Variants in CALCR observed in about 807,000 individuals in gnomAD.
CALCR encodes the protein calcitonin receptor.
A neutral mutation model predicts 59.5 loss-of-function variants in CALCR; 47 were observed. That is an observed-to-expected ratio of 0.79 (90% confidence interval 0.63 to 1.01). The LOEUF is 1.01. Among genes scored for constraint, CALCR ranks in the 50% least tolerant of loss-of-function variants. The pLI is 0.00. For synonymous variants in CALCR, 213 were observed against 211.3 expected, an observed-to-expected ratio of 1.01 and a Z score of -0.07; for missense variants, 566 against 597.1, an observed-to-expected ratio of 0.95 and a Z score of 0.54.
At chr7:93,556,810 T>G (rs1333622558) in intron 2 of CALCR, among the ~76,000 whole-genome samples, 1 of 152,024 alleles carries the variant, frequency 6.6e-6, no homozygotes, top group Non-Finnish European at 1.5e-5. Context: ...TTGATTGGCA[T>G]TTAGGCAATA....
At chr7:93,554,378 A>G (rs1250124554) in intron 2 of CALCR, among the ~76,000 whole-genome samples, 1 of 152,144 alleles carries the variant, frequency 6.6e-6, no homozygotes, top group Non-Finnish European at 1.5e-5. Context: ...TATTTCTTAT[A>G]GAATAAGAAC....
At chr7:93,504,128 G>A (rs1544361) in intron 2 of CALCR, among the ~76,000 whole-genome samples, 27,005 of 152,064 alleles carry the variant, frequency 0.18, 5,872 homozygotes, top group African/African-American at 0.51. Flanking sequence ...AGACCCATAA[G>A]TACAGCTTCC....
At chr7:93,550,036 T>C (rs1584624977) in intron 2 of CALCR, among the ~76,000 whole-genome samples, 2 of 152,298 alleles carry the variant, frequency 1.3e-5, no homozygotes, top group East Asian at 3.9e-4. Context: ...TTTAGCTAAA[T>C]ACAACAATAT....
chr7:93,492,628 G>A (rs1801108027), intron 2 of CALCR, among the ~76,000 whole-genome samples: 1 of 151,432 alleles, frequency 6.6e-6, no homozygotes, highest in Admixed American at 6.6e-5. Flanking sequence ...ATGTAAATAT[G>A]AGCTGGATGA....
chr7:93,550,682 A>G (rs1282663894), intron 2 of CALCR, among the ~76,000 whole-genome samples: 1 of 151,450 alleles, frequency 6.6e-6, no homozygotes, highest in Non-Finnish European at 1.5e-5. Context: ...GGTATCAGAC[A>G]AGAACAATAT....
At position 93,561,627 on chromosome 7, in the gene CALCR, A is replaced by C. The variant is rs1273309424; in HGVS notation, c.-27+12662T>G. On this transcript the variant is annotated intron_variant, in intron 2 of 13. Transcript: ENST00000426151. ...TTTGATCCAGAAGGGAAAGGATATA[A>C]TCCCAGAACAAAGTGTGATTCTTTA... Among the ~76,000 whole-genome samples, 3 of 152,208 alleles carry C rather than the reference A, an allele frequency of 2.0e-5. No individual in the cohort carries two copies. In the East Asian group the frequency reaches 5.8e-4, roughly 29 times the overall value.
chr7:93,429,741 C>T (rs1799607193), intron 13 of CALCR, among the ~76,000 whole-genome samples: 1 of 151,480 alleles, frequency 6.6e-6, no homozygotes, highest in African/African-American at 2.4e-5. Flanking sequence ...TGAGGTTTAC[C>T]TCTGCAGTTT....
chr7:93,481,500 T>C (rs143500469), intron 3 of CALCR, among the ~76,000 whole-genome samples: 1,884 of 151,846 alleles, frequency 0.012, 24 homozygotes, highest in Non-Finnish European at 0.018. Context: ...TTAGCCTAGA[T>C]ATTTGGGGAA....
intron 2 of CALCR, among the ~76,000 whole-genome samples, chr7:93,533,806 A>T (rs779775194): frequency 6.6e-6 from 1 of 151,856 alleles, no homozygotes; most frequent in Non-Finnish European, 1.5e-5. Context: ...CCAGTAAATT[A>T]AAAAAGTACT....
chr7:93,445,768 T>C (rs1231816253), intron 8 of CALCR, among the ~76,000 whole-genome samples: 1 of 152,038 alleles, frequency 6.6e-6, no homozygotes, highest in East Asian at 1.9e-4. Flanking sequence ...TGAAGAAAAC[T>C]CCAACACACA....
At chr7:93,489,548 C>T (rs993402556) in intron 2 of CALCR, among the ~76,000 whole-genome samples, 2 of 151,266 alleles carry the variant, frequency 1.3e-5, no homozygotes, top group South Asian at 4.2e-4. Context: ...AAGAGAGAAG[C>T]ACCAAATAGA....
chr7:93,530,605 G>A (rs755587411), intron 2 of CALCR, among the ~76,000 whole-genome samples: 5 of 152,052 alleles, frequency 3.3e-5, no homozygotes, highest in Non-Finnish European at 5.9e-5. Context: ...AGCACAGATG[G>A]CAATTAGTCA....
At chr7:93,557,817 TTCC>T (rs1789647102) in intron 2 of CALCR, among the ~76,000 whole-genome samples, 1 of 152,008 alleles carries the variant, frequency 6.6e-6, no homozygotes, top group African/African-American at 2.4e-5. Flanking sequence ...ATATACTAAA[TTCC>T]AATATGTTCC....
At chr7:93,450,699 C>G (rs1800091354) in intron 8 of CALCR, among the ~76,000 whole-genome samples, 1 of 151,930 alleles carries the variant, frequency 6.6e-6, no homozygotes, top group South Asian at 2.1e-4. Flanking sequence ...TGGTCTCTCT[C>G]CAGGGTCTTC....
At chr7:93,455,691 A>C (rs888235419) in intron 8 of CALCR, among the ~76,000 whole-genome samples, 14 of 152,140 alleles carry the variant, frequency 9.2e-5, no homozygotes, top group South Asian at 4.1e-4. Context: ...AATCTTTCCT[A>C]GTTCTTGTTT....
chr7:93,525,548 A>G (rs1412036947), intron 2 of CALCR, among the ~76,000 whole-genome samples: 1 of 152,210 alleles, frequency 6.6e-6, no homozygotes, highest in Non-Finnish European at 1.5e-5. Flanking sequence ...CTTGAACTCA[A>G]TTCAAACCTA....
chr7:93,517,791 G>A (rs1801679852), intron 2 of CALCR, among the ~76,000 whole-genome samples: 1 of 151,752 alleles, frequency 6.6e-6, no homozygotes, highest in Non-Finnish European at 1.5e-5. Context: ...TCCAAGATAA[G>A]GAAACCTCAT....
chr7:93,431,838 AGAAAATCTAGTGTGTT>A (rs1169916274), intron 13 of CALCR, among the ~76,000 whole-genome samples: 3 of 152,324 alleles, frequency 2.0e-5, no homozygotes, highest in Non-Finnish European at 4.4e-5. Flanking sequence ...AAGAAAAGGG[AGAAAATCTAGTGTGTT>A]GTTAGAACTT....
At chr7:93,486,484 T>C (rs1270727566) in intron 3 of CALCR, among the ~76,000 whole-genome samples, 8 of 151,518 alleles carry the variant, frequency 5.3e-5, no homozygotes, top group Admixed American at 5.3e-4. Flanking sequence ...ATAGCCAGAC[T>C]GAAAGAGTTC....
Sources: allele counts gnomAD v4.1 joint callset (sites outside exome capture counted in the v4.1 genomes callset), GRCh38; gene constraint gnomAD v4.1.1; transcripts MANE v1.5; gene names NCBI Gene and HGNC (gene_info 2026-07-23, HGNC 2026-07-21).